The following RBM19 variants were observed in gnomAD, a reference collection of about 807,000 sequenced individuals.
RBM19 encodes the protein probable RNA-binding protein 19.
A neutral mutation model predicts 116.8 loss-of-function variants in RBM19; 94 were observed. That is an observed-to-expected ratio of 0.80 (90% CI 0.68 to 0.95). RBM19 has a LOEUF of 0.95. RBM19 is among the 40% of genes least tolerant of loss of function. RBM19 has a pLI of 0.00. For missense variants in RBM19, 1,161 were observed against 1,220.7 expected (o/e 0.95, Z 0.73); for synonymous variants, 475 against 494.1 (o/e 0.96, Z 0.51).
chr12:113,921,219 T>C (rs896250951), intron 18 of RBM19, among the ~76,000 whole-genome samples: 1 of 152,234 alleles, frequency 6.6e-6, no homozygotes, highest in Non-Finnish European at 1.5e-5. Context: ...TACTTCTAGG[T>C]TGCAAGTAGC....
At chr12:113,965,599 T>A (rs768378487) in intron 1 of RBM19, among the ~76,000 whole-genome samples, 1 of 152,228 alleles carries the variant, frequency 6.6e-6, no homozygotes, top group Admixed American at 6.5e-5. Context: ...TCTAATCATC[T>A]AATATTACGT....
At chr12:113,873,506 A>G (rs1215998176) in intron 21 of RBM19, among the ~76,000 whole-genome samples, 13 of 100,548 alleles carry the variant, frequency 1.3e-4, no homozygotes, top group African/African-American at 3.5e-4. Context: ...GTCATCACCA[A>G]TCCCTAATCT....
chr12:113,871,989 G>T (rs1471895975), intron 21 of RBM19, among the ~76,000 whole-genome samples: 1 of 146,568 alleles, frequency 6.8e-6, no homozygotes, highest in Admixed American at 6.8e-5. Flanking sequence ...GCCGCCCATC[G>T]TCTGGGATGT....
chr12:113,901,672 C>G (rs919406192), intron 21 of RBM19, among the ~76,000 whole-genome samples: 2 of 152,012 alleles, frequency 1.3e-5, no homozygotes, highest in Non-Finnish European at 2.9e-5. Context: ...CCACGCCTGG[C>G]TAATTTTTTT....
chr12:113,865,389 C>T (rs187534137), intron 21 of RBM19, among the ~76,000 whole-genome samples: 1 of 152,176 alleles, frequency 6.6e-6, no homozygotes, highest in Non-Finnish European at 1.5e-5. Context: ...TGCACACCCA[C>T]CCCTGCCTGT....
rs778552681 is a variant in RBM19 at position 113,844,750 on chromosome 12, G to A, written c.2703C>T (p.Tyr901=). 3.6e-5 allele frequency: 58 copies of A among 1,613,254 alleles called. No individual in the cohort carries two copies. The highest frequency in any genetic ancestry group is 2.8e-5 in the Non-Finnish European group (33 of 1,179,788). The change falls in exon 23 of 24, where the codon TAC becomes TAT. Residue 901 remains tyrosine (Y), a synonymous_variant. Transcript: ENST00000261741. The part of the protein sequence containing the change: ...FNALCHSTHL[Y]GRRLVLEWAD... ...CCCACTCCAGCACCAGCCTCCGCCCGTACAAGTGGGTGCTGTGACACAGGG... is the reference window on the plus strand; with the variant it reads ...CCCACTCCAGCACCAGCCTCCGCCCATACAAGTGGGTGCTGTGACACAGGG...
intron 17 of RBM19, 54 bp from the exon 18 acceptor site, chr12:113,924,811 AG>A: frequency 1.4e-6 from 2 of 1,469,124 alleles, no homozygotes; most frequent in Middle Eastern, 1.7e-4. Context: ...TATGCAGGCA[AG>A]GGCACCTGTC....
intron 21 of RBM19, among the ~76,000 whole-genome samples, chr12:113,864,823 C>G (rs1878685399): frequency 6.6e-6 from 1 of 152,218 alleles, no homozygotes; most frequent in Non-Finnish European, 1.5e-5. Context: ...AGAGGCTAAT[C>G]CAATCAGTCT....
At chr12:113,920,521 C>A in intron 19 of RBM19, 90 bp downstream of exon 19, 1 of 1,175,074 alleles carries the variant, frequency 8.5e-7, no homozygotes, top group Non-Finnish European at 1.3e-6. Context: ...AGACTTCATA[C>A]ATATTCTCAC....
At chr12:113,823,670 C>T (rs567642766) in intron 23 of RBM19, among the ~76,000 whole-genome samples, 1 of 152,186 alleles carries the variant, frequency 6.6e-6, no homozygotes, top group East Asian at 1.9e-4. Context: ...CTTCCCTGGC[C>T]ATCCCCTCCC....
At chr12:113,867,695 T>A (rs559241465) in intron 21 of RBM19, among the ~76,000 whole-genome samples, 67 of 152,076 alleles carry the variant, frequency 4.4e-4, no homozygotes, top group African/African-American at 1.4e-3. Flanking sequence ...CCAAGGTGGG[T>A]GAATAACTTG....
In RBM19 at chr12:113,924,745, CT is replaced by C; in HGVS notation, c.2256del (p.Val753TrpfsTer4). On this transcript the variant is annotated frameshift_variant, in exon 18 of 24. Transcript: ENST00000261741. LOFTEE classifies it high-confidence loss of function. ...ATGGAGCAGCTCTTCACTGTCCCCA[CT>C]TTTGAAAACACCTGGATAAGAAAGT... The part of the protein sequence containing the change: ...TEEKLKEVFS[K>X]VGTVKSCSIS... 6.5e-7 allele frequency: 1 copy of C among 1,547,418 alleles called. No homozygotes were observed. The highest frequency in any genetic ancestry group is 2.2e-5 in the East Asian group (1 of 44,528).
chr12:113,820,210 A>G (rs1874321757), downstream of RBM19, among the ~76,000 whole-genome samples: 1 of 150,742 alleles, frequency 6.6e-6, no homozygotes, highest in Admixed American at 6.7e-5. Context: ...TGGACCACAC[A>G]TAAAATACAA....
rs1227911770 is a variant in RBM19, at chr12:113,823,198, G to A, written c.*26C>T. On this transcript the variant is annotated 3_prime_UTR_variant, in exon 24 of 24. Transcript: ENST00000261741. The stretch of plus-strand genomic sequence containing the variant: ...GGCTGTCCCGGTCCCCAGGGCCCCG[G>A]AGCCACACACCCTCTCGGTGCCAGC... 1.0e-5 allele frequency: 16 copies of A among 1,600,550 alleles called. No individual in the cohort carries two copies. The highest frequency in any genetic ancestry group is 1.4e-5 in the Non-Finnish European group (16 of 1,176,022).
chr12:113,880,889 T>C (rs11066800), intron 21 of RBM19, among the ~76,000 whole-genome samples: 24,734 of 152,134 alleles, frequency 0.16, 2,468 homozygotes, highest in Middle Eastern at 0.24. Flanking sequence ...AATGAATAAA[T>C]GAGGGCAAAC....
chr12:113,881,530 C>T (rs185367401), intron 21 of RBM19, among the ~76,000 whole-genome samples: 1 of 152,332 alleles, frequency 6.6e-6, no homozygotes, highest in East Asian at 1.9e-4. Context: ...TTGTCTTCCT[C>T]TGGCCACTAG....
chr12:113,887,529 CGGGAGGCTGAG>C (rs1439839227), intron 21 of RBM19, among the ~76,000 whole-genome samples: 2 of 111,252 alleles, frequency 1.8e-5, no homozygotes, highest in Non-Finnish European at 3.5e-5. Context: ...CGCAGCTACT[CGGGAGGCTGAG>C]GCAGGAGAAT....
chr12:113,844,048 T>C (rs1231067285), intron 23 of RBM19, among the ~76,000 whole-genome samples: 1 of 152,222 alleles, frequency 6.6e-6, no homozygotes, highest in Admixed American at 6.5e-5. Context: ...CCTAGGGCCC[T>C]GCTTGGTTAC....
intron 17 of RBM19, 63 bp downstream of exon 17, chr12:113,926,991 C>T (rs1381102532): frequency 2.7e-5 from 41 of 1,516,466 alleles, no homozygotes; most frequent in East Asian, 4.5e-5. Context: ...ATGCAGTGGC[C>T]GTATCAGTAG....
Sources: gnomAD v4.1 joint callset for allele counts (sites outside exome capture counted in the v4.1 genomes callset) on GRCh38, gnomAD v4.1.1 for gene constraint, MANE v1.5 for transcripts, NCBI Gene and HGNC (gene_info 2026-07-23, HGNC 2026-07-21) for gene names.